Variants in NCKAP5 observed in about 807,000 individuals in gnomAD.
The protein encoded by NCKAP5 is nck-associated protein 5.
Under a neutral mutation model 167.0 loss-of-function variants are expected in NCKAP5, and 92 were observed. The observed-to-expected ratio is 0.55, with a 90% confidence interval of 0.47 to 0.66. The LOEUF (loss-of-function observed/expected upper bound fraction) is 0.66, where lower values mean the gene tolerates loss of function less well. Ranked by LOEUF, NCKAP5 falls within the 30% of genes least tolerant of loss-of-function variation. The pLI is 0.00. For missense variants in NCKAP5, 2,378 were observed against 2,315.0 expected, an observed-to-expected ratio of 1.03 and a Z score of -0.56; for synonymous variants, 891 against 877.4, an observed-to-expected ratio of 1.02 and a Z score of -0.27.
chr2:133,505,808 T>C (rs1054438265), intron 3 of NCKAP5, among the ~76,000 whole-genome samples: 3 of 152,242 alleles, frequency 2.0e-5, no homozygotes, highest in Non-Finnish European at 4.4e-5. Flanking sequence ...TACAGCTTTC[T>C]TCCTGAGGCT....
chr2:133,183,689 T>G (rs2084828473), intron 5 of NCKAP5, among the ~76,000 whole-genome samples: 1 of 152,138 alleles, frequency 6.6e-6, no homozygotes, highest in South Asian at 2.1e-4. Context: ...GACTGTCCAC[T>G]TTCACTAATT....
chr2:133,615,527 A>G, the NCKAP5 span, among the ~76,000 whole-genome samples: 1 of 152,202 alleles, frequency 6.6e-6, no homozygotes, highest in Non-Finnish European at 1.5e-5. Context: ...CAGACTTTAA[A>G]CCAACAAAGA....
At position 133,022,507 on chromosome 2, in the gene NCKAP5, C is replaced by T. The variant is rs536399383; in HGVS notation, c.342-28268G>A. On this transcript the variant is annotated intron_variant, in intron 6 of 19. Coordinates refer to ENST00000409261, the MANE Select transcript of NCKAP5 (RefSeq NM_207363.3). Reference sequence around the variant, plus strand: ...TGCCTAAAGATGGATCCTCCAGGGGCGGCTCAGCTGTCATGAATCTCCTCT... The same window carrying T: ...TGCCTAAAGATGGATCCTCCAGGGGTGGCTCAGCTGTCATGAATCTCCTCT... 9.9e-5 allele frequency among the ~76,000 whole-genome samples: 15 copies of T among 152,242 alleles called. 1 individual carries two copies. The South Asian group carries it at 2.5e-3, about 25-fold the overall frequency.
intron 6 of NCKAP5, among the ~76,000 whole-genome samples, chr2:133,047,726 G>A (rs540679920): frequency 1.3e-5 from 2 of 152,252 alleles, no homozygotes; most frequent in South Asian, 4.1e-4. Flanking sequence ...GGCTGAACTA[G>A]CTTGTTTTCA....
rs143161162 is a variant in NCKAP5, at chr2:133,201,478, A to C, written c.207+12238T>G. 4.5e-3 allele frequency among the ~76,000 whole-genome samples: 681 copies of C among 152,322 alleles called. 4 individuals are homozygous for C. The highest frequency in any genetic ancestry group is 0.015 in the African/African-American group (617 of 41,582). ...ACACAAAAGAGTACACACTGTAAAC[A>C]TTTACATAAAGTTCAAAAACAGGCA... is the stretch of plus-strand genomic sequence containing the variant. On this transcript the variant is annotated intron_variant, in intron 5 of 19. Transcript: ENST00000409261.
At chr2:133,174,173 G>A (rs2084361605) in intron 5 of NCKAP5, among the ~76,000 whole-genome samples, 1 of 151,990 alleles carries the variant, frequency 6.6e-6, no homozygotes, top group African/African-American at 2.4e-5. Flanking sequence ...GTCTTTCCTT[G>A]ACTTTTATGA....
At chr2:133,148,781 T>TA (rs1052613374) in intron 5 of NCKAP5, among the ~76,000 whole-genome samples, 1 of 152,070 alleles carries the variant, frequency 6.6e-6, no homozygotes, top group Non-Finnish European at 1.5e-5. Flanking sequence ...GTTAATCCTA[T>TA]CATAAGAGCT....
intron 7 of NCKAP5, among the ~76,000 whole-genome samples, chr2:132,964,305 A>G (rs1573569733): frequency 1.3e-5 from 2 of 152,220 alleles, no homozygotes; most frequent in Admixed American, 1.3e-4. Context: ...AAGAATATAA[A>G]ATATCACAAA....
chr2:133,189,960 A>G (rs1284207817), intron 5 of NCKAP5, among the ~76,000 whole-genome samples: 1 of 152,172 alleles, frequency 6.6e-6, no homozygotes, highest in Non-Finnish European at 1.5e-5. Context: ...AGGGTATTCA[A>G]TTAGGAAAAG....
intron 16 of NCKAP5, among the ~76,000 whole-genome samples, chr2:132,758,820 A>T (rs983945446): frequency 3.9e-5 from 6 of 152,130 alleles, no homozygotes; most frequent in African/African-American, 1.4e-4. Flanking sequence ...TTTGTTTTGG[A>T]TGGTGTTTTT....
intron 19 of NCKAP5, among the ~76,000 whole-genome samples, chr2:132,716,935 G>A (rs901906597): frequency 1.1e-4 from 17 of 152,174 alleles, no homozygotes; most frequent in African/African-American, 3.9e-4. Flanking sequence ...ATTTTTAGAA[G>A]CTGGCTGGGT....
At chr2:133,584,227 A>C in the NCKAP5 span, among the ~76,000 whole-genome samples, 77 of 152,294 alleles carry the variant, frequency 5.1e-4, no homozygotes, top group African/African-American at 1.8e-3. Context: ...AAATGAGCTA[A>C]ATTTATTGCT....
chr2:133,320,734 A>G (rs1332079078), intron 3 of NCKAP5, among the ~76,000 whole-genome samples: 1 of 151,882 alleles, frequency 6.6e-6, no homozygotes, highest in Non-Finnish European at 1.5e-5. Context: ...CAAAACAAAC[A>G]AACAAAAAAA....
At chr2:133,060,272 G>T (rs1473966298) in intron 6 of NCKAP5, among the ~76,000 whole-genome samples, 1 of 152,032 alleles carries the variant, frequency 6.6e-6, no homozygotes, top group African/African-American at 2.4e-5. Context: ...AAAAGTAGCA[G>T]GTGTGAAATG....
chr2:132,976,563 C>CAAAAA (rs1169178217), intron 7 of NCKAP5, among the ~76,000 whole-genome samples: 2 of 51,824 alleles, frequency 3.9e-5, no homozygotes, highest in African/African-American at 1.1e-4. Context: ...GACTCCATCT[C>CAAAAA]AAAAAAAAAA....
chr2:132,947,282 ACT>A (rs993934083), intron 8 of NCKAP5, among the ~76,000 whole-genome samples: 2 of 152,180 alleles, frequency 1.3e-5, no homozygotes, highest in African/African-American at 4.8e-5. Flanking sequence ...AGATTAGTTA[ACT>A]CTTCATAAAG....
chr2:132,675,730 G>C (rs1684356096), intron 19 of NCKAP5, among the ~76,000 whole-genome samples: 1 of 151,812 alleles, frequency 6.6e-6, no homozygotes, highest in Non-Finnish European at 1.5e-5. Context: ...AACACTCACT[G>C]TCATCAGGTT....
intron 8 of NCKAP5, among the ~76,000 whole-genome samples, chr2:132,960,409 C>A (rs2076477202): frequency 6.6e-6 from 1 of 152,120 alleles, no homozygotes; most frequent in South Asian, 2.1e-4. Context: ...AGGAGAAAGG[C>A]TACTGCGAAA....
At position 133,210,816 on chromosome 2, in the gene NCKAP5, T is replaced by C. The variant is rs75875390; in HGVS notation, c.207+2900A>G. ...CAGGGCTCATGGTGTCTCCAAGGAA[T>C]TGAAATGTGACAAATCATGGAATGG... On this transcript the variant is annotated intron_variant, in intron 5 of 19. Coordinates refer to ENST00000409261, the MANE Select transcript of NCKAP5 (RefSeq NM_207363.3). 3.6e-3 allele frequency among the ~76,000 whole-genome samples: 543 copies of C among 152,212 alleles called. 2 individuals are homozygous for C. Among genetic ancestry groups the C allele is most frequent in the African/African-American group, 9.4e-3 (391 of 41,516 alleles).
Sources: gnomAD v4.1 joint callset for allele counts (sites outside exome capture counted in the v4.1 genomes callset) on GRCh38, gnomAD v4.1.1 for gene constraint, MANE v1.5 for transcripts, NCBI Gene and HGNC (gene_info 2026-07-23, HGNC 2026-07-21) for gene names.